The following SLC6A6 variants were observed in gnomAD, a reference collection of about 807,000 sequenced individuals.
SLC6A6 encodes the protein solute carrier family 6 member 6, also known as sodium- and chloride-dependent taurine transporter.
SLC6A6 carries 16 observed loss-of-function variants against 68.8 expected under a neutral mutation model. That is an observed-to-expected ratio of 0.23 (90% CI 0.16 to 0.35). The LOEUF (loss-of-function observed/expected upper bound fraction) is 0.35. SLC6A6 is among the 10% of genes least tolerant of loss of function. The probability of loss-of-function intolerance (pLI) is 1.00; values close to 1 mark genes in which losing one functional copy is unlikely to be tolerated. For synonymous variants in SLC6A6, 312 were observed against 315.4 expected (o/e 0.99, Z 0.12); for missense variants, 474 against 802.8 (o/e 0.59, Z 4.95).
At chr3:14,431,606 C>T (rs1350271173) in intron 2 of SLC6A6, among the ~76,000 whole-genome samples, 2 of 152,130 alleles carry the variant, frequency 1.3e-5, no homozygotes, top group African/African-American at 2.4e-5. Context: ...GGATCTTGGG[C>T]TGGTTCTGGA....
At chr3:14,403,776 T>G (rs1237743611) in intron 1 of SLC6A6, among the ~76,000 whole-genome samples, 5 of 152,194 alleles carry the variant, frequency 3.3e-5, no homozygotes, top group African/African-American at 1.2e-4. Context: ...CCCCTCCCAC[T>G]AGGGAAGCCA....
chr3:14,472,773 T>C lies in SLC6A6; in HGVS notation c.1209+456T>C, dbSNP rs1700783082. 6.6e-6 allele frequency among the ~76,000 whole-genome samples: 1 copy of C among 152,222 alleles called. No individual in the cohort carries two copies. Among genetic ancestry groups the C allele is most frequent in the African/African-American group, 2.4e-5 (1 of 41,466 alleles). On this transcript the variant is annotated intron_variant, in intron 10 of 14. Coordinates refer to ENST00000622186, the MANE Select transcript of SLC6A6 (RefSeq NM_003043.6). The surrounding 1 kb of genome is among the most constrained non-coding windows in gnomAD (Gnocchi z 4.5). ...AAGGGACCCACATTTCTGTGTGAGCTGATCATTGTCTGGGCCATCGTAATA... is the reference window on the plus strand; with the variant it reads ...AAGGGACCCACATTTCTGTGTGAGCCGATCATTGTCTGGGCCATCGTAATA...
Position 14,447,585 on chromosome 3 carries a change from T to G in SLC6A6, c.368T>G (p.Ile123Ser). Residue 123 changes from isoleucine (I) to serine (S), a missense_variant, in exon 5 of 15, where the codon ATC (isoleucine) becomes AGC (serine). Ile to Ser is a moderately radical substitution (Grantham distance 142). This residue lies in a region of SLC6A6 where 280 missense variants were observed against 533.1 expected (regional missense o/e 0.53). Coordinates refer to ENST00000622186, the MANE Select transcript of SLC6A6 (RefSeq NM_003043.6). ...WEKICPLFSGIGYASVVIVSL... is the reference protein window; with the variant it reads ...WEKICPLFSGSGYASVVIVSL... ...ATCTCATTTGCCCAACCTGCAGGTA[T>G]CGGCTATGCCTCCGTTGTAATTGTG... 6.2e-7 allele frequency: 1 copy of G among 1,614,234 alleles called. No homozygotes were observed. The highest frequency in any genetic ancestry group is 8.5e-7 in the Non-Finnish European group (1 of 1,180,038).
At position 14,445,720 on chromosome 3, in the gene SLC6A6, C is replaced by T. The variant is rs754954058; in HGVS notation, c.233C>T (p.Ala78Val). The T allele has an allele frequency of 3.7e-6, 6 of 1,614,034 alleles. No individual in the cohort carries two copies. The highest frequency in any genetic ancestry group is 4.2e-6 in the Non-Finnish European group (5 of 1,179,990). ...PYLCYKNGGG[A>V]FLIPYFIFLF... ...TTGCCCATTCTGCTCTCTGCAGGTG[C>T]GTTTCTCATACCGTATTTTATTTTC... The change falls in exon 4 of 15, where the codon GCG becomes GTG. Residue 78 changes from alanine (A) to valine (V), a missense_variant. Coordinates refer to ENST00000622186, the MANE Select transcript of SLC6A6 (RefSeq NM_003043.6).
At chr3:14,419,488 G>T (rs1699440052) in intron 2 of SLC6A6, among the ~76,000 whole-genome samples, 1 of 152,218 alleles carries the variant, frequency 6.6e-6, no homozygotes, top group African/African-American at 2.4e-5. Context: ...CTGACAGGGG[G>T]CAACCCATGT....
intron 1 of SLC6A6, among the ~76,000 whole-genome samples, chr3:14,409,421 C>T (rs974494621): frequency 3.3e-5 from 5 of 152,214 alleles, no homozygotes; most frequent in African/African-American, 4.8e-5. Flanking sequence ...GGTGCTTTAT[C>T]CCCCTTCCTG....
At chr3:14,407,135 G>A (rs963578585) in intron 1 of SLC6A6, among the ~76,000 whole-genome samples, 2 of 151,090 alleles carry the variant, frequency 1.3e-5, no homozygotes, top group African/African-American at 2.4e-5. Flanking sequence ...CTGCAGCCTC[G>A]ATCTCCTGGG....
Position 14,486,125 on chromosome 3 carries a change from C to T in SLC6A6, c.*1118C>T, listed in dbSNP as rs529102801. ...GGGAGTGGTGGGGAGGTGAGTGGAC[C>T]AAAGGATATAGGCCCCAGGCATGCA... On this transcript the variant is annotated 3_prime_UTR_variant, in exon 15 of 15. Coordinates refer to ENST00000622186, the MANE Select transcript of SLC6A6 (RefSeq NM_003043.6). The T allele has an allele frequency of 6.6e-6, 1 of 152,606 alleles. No homozygotes were observed. The highest frequency in any genetic ancestry group is 1.5e-5 in the Non-Finnish European group (1 of 68,076). 9.5% of individuals were successfully genotyped at this position (152,606 alleles called of 1,614,324 possible). A position where few individuals can be genotyped will look rare whatever the true frequency, so the allele number is the denominator to read the frequency against.
chr3:14,467,864 C>T lies in SLC6A6; in HGVS notation c.879C>T (p.Asp293=), dbSNP rs779996001. ...CCTCCCCCTCATAGGTGTGGATTGA[C>T]GCTGGGACTCAGATATTCTTCTCTT... The part of the protein sequence containing the change: ...TRLEDPQVWI[D]AGTQIFFSYA... Residue 293 remains aspartate, a synonymous_variant, in exon 8 of 15, where the codon GAC becomes GAT. Transcript: ENST00000622186. The T allele has an allele frequency of 3.9e-5, 62 of 1,609,856 alleles. No homozygotes were observed. Among genetic ancestry groups the T allele is most frequent in the Admixed American group, 5.0e-5 (3 of 59,804 alleles).
chr3:14,466,579 A>T lies in SLC6A6; in HGVS notation c.796A>T (p.Thr266Ser). ...CCTGGTGCTGCTGGTCCGAGGGCTG[A>T]CGCTGCCGGGCGCGGGCGCAGGCAT... is the stretch of plus-strand genomic sequence containing the variant. ...MLLVLLVRGL[T>S]LPGAGAGIKF... Residue 266 changes from threonine to serine, a missense_variant, in exon 7 of 15, where the codon ACG becomes TCG. Thr to Ser is a moderately conservative substitution (Grantham distance 58). Transcript: ENST00000622186. The T allele has an allele frequency of 6.2e-7, 1 of 1,613,664 alleles. No individual in the cohort carries two copies. The highest frequency in any genetic ancestry group is 1.3e-5 in the African/African-American group (1 of 75,034).
At chr3:14,452,890 G>C (rs1461700951) in intron 5 of SLC6A6, among the ~76,000 whole-genome samples, 1 of 152,222 alleles carries the variant, frequency 6.6e-6, no homozygotes, top group African/African-American at 2.4e-5. Flanking sequence ...CCTGGCCAGA[G>C]GCCCTCCATC....
intron 1 of SLC6A6, among the ~76,000 whole-genome samples, chr3:14,415,964 G>A (rs891279294): frequency 6.6e-6 from 1 of 152,234 alleles, no homozygotes; most frequent in African/African-American, 2.4e-5. Flanking sequence ...GGCTAGGGCT[G>A]TGGAACAGCT....
intron 5 of SLC6A6, among the ~76,000 whole-genome samples, chr3:14,455,326 C>T (rs1353586000): frequency 1.3e-5 from 2 of 152,166 alleles, no homozygotes; most frequent in Non-Finnish European, 2.9e-5. Flanking sequence ...CTGGTTTGAC[C>T]AGCATGGTGG....
At chr3:14,478,920 G>A in intron 12 of SLC6A6, 165 bp from the exon 13 acceptor site, 3 of 612,534 alleles carry the variant, frequency 4.9e-6, no homozygotes, top group Non-Finnish European at 8.8e-6. Flanking sequence ...AAGATGCAGA[G>A]TTATATTTGA....
Position 14,477,385 on chromosome 3 carries a change from T to C in SLC6A6, c.1347+43T>C. On this transcript the variant is annotated intron_variant, in intron 11 of 14. Transcript: ENST00000622186. The surrounding 1 kb of genome is among the most constrained non-coding windows in gnomAD (Gnocchi z 4.2). ...CTGTGTTTCAGGCTTGGTGCTCCAGTGCCCTCCTCAAGGCCATAGTGGAGG... is the reference window on the plus strand; with the variant it reads ...CTGTGTTTCAGGCTTGGTGCTCCAGCGCCCTCCTCAAGGCCATAGTGGAGG... The C allele has an allele frequency of 6.2e-7, 1 of 1,605,006 alleles. No homozygotes were observed. The highest frequency in any genetic ancestry group is 8.5e-7 in the Non-Finnish European group (1 of 1,173,318).
intron 1 of SLC6A6, among the ~76,000 whole-genome samples, chr3:14,411,906 A>C (rs1204798915): frequency 1.3e-5 from 2 of 152,222 alleles, no homozygotes; most frequent in Non-Finnish European, 2.9e-5. Context: ...GACGTCAGAC[A>C]AAAGATTACA....
chr3:14,427,892 A>G (rs1285152460), intron 2 of SLC6A6, among the ~76,000 whole-genome samples: 1 of 152,142 alleles, frequency 6.6e-6, no homozygotes, highest in African/African-American at 2.4e-5. Context: ...TCCCCAGCTT[A>G]GCAGGTGCCA....
chr3:14,463,617 G>T (rs536408506), intron 6 of SLC6A6, among the ~76,000 whole-genome samples: 58 of 152,346 alleles, frequency 3.8e-4, no homozygotes, highest in Non-Finnish European at 5.4e-4. Flanking sequence ...GGGGCGCCTG[G>T]CCGCCTGTCC....
Position 14,481,396 on chromosome 3 carries a change from C to T in SLC6A6, c.1552-275C>T, listed in dbSNP as rs780056294. ...GAGGCAGATGAGGGAGGAAGGGGTA[C>T]AGCTTCTGCTGACACTCCCGGCTGC... On this transcript the variant is annotated intron_variant, in intron 13 of 14. Coordinates refer to ENST00000622186, the MANE Select transcript of SLC6A6 (RefSeq NM_003043.6). The surrounding 1 kb of genome is among the most constrained non-coding windows in gnomAD (Gnocchi z 4.7). Among the ~76,000 whole-genome samples, 1 of 152,098 alleles carries T rather than the reference C, an allele frequency of 6.6e-6. No individual in the cohort carries two copies. The highest frequency in any genetic ancestry group is 2.1e-4 in the South Asian group (1 of 4,824).
Sources: allele counts gnomAD v4.1 joint callset (sites outside exome capture counted in the v4.1 genomes callset), GRCh38; gene constraint gnomAD v4.1.1; regional missense constraint gnomAD v4.1.1; non-coding constraint Gnocchi (gnomAD v3.1); transcripts MANE v1.5; gene names NCBI Gene and HGNC (gene_info 2026-07-23, HGNC 2026-07-21).